KIAA1217: variants seen among roughly 807,000 people sequenced by gnomAD.
KIAA1217 encodes the protein sickle tail protein homolog.
In KIAA1217, 88 loss-of-function variants were observed where a neutral mutation model predicts 163.9. The observed-to-expected ratio is 0.54, with a 90% CI of 0.45 to 0.64. The LOEUF (loss-of-function observed/expected upper bound fraction) is 0.64. KIAA1217 is among the 30% of genes least tolerant of loss of function. KIAA1217 has a pLI of 0.00. For synonymous variants in KIAA1217, 903 were observed against 923.1 expected, an observed-to-expected ratio of 0.98 and a Z score of 0.39; for missense variants, 2,372 against 2,475.0, an observed-to-expected ratio of 0.96 and a Z score of 0.88.
rs1379568424 is a variant in KIAA1217 at position 23,715,332 on chromosome 10, G to GCC, written c.-321+20100_-321+20101dup. 2.0e-5 allele frequency among the ~76,000 whole-genome samples: 3 copies of GCC among 152,108 alleles called. No homozygotes were observed. The East Asian group carries it at 5.8e-4, about 29-fold the overall frequency. On this transcript the variant is annotated intron_variant, in intron 1 of 18. Coordinates refer to the KIAA1217 transcript ENST00000376462. Reference sequence around the variant, plus strand: ...TTCATTTTTATCCCTTTGGTGTTTAGCCCAACACTTGTTAAGCCAATGAAG... The same window carrying GCC: ...TTCATTTTTATCCCTTTGGTGTTTAGCCCCCAACACTTGTTAAGCCAATGAAG...
intron 6 of KIAA1217, among the ~76,000 whole-genome samples, chr10:24,480,405 A>G (rs1300514343): frequency 6.6e-6 from 1 of 152,228 alleles, no homozygotes; most frequent in Admixed American, 6.5e-5. Flanking sequence ...CAATCTGCTC[A>G]TCAACCAGTT....
intron 1 of KIAA1217, among the ~76,000 whole-genome samples, chr10:23,842,418 A>C (rs967386752): frequency 1.3e-5 from 2 of 152,146 alleles, no homozygotes; most frequent in African/African-American, 4.8e-5. Context: ...GTCGGAAAAA[A>C]AGGCAGTCTT....
Position 23,723,487 on chromosome 10 carries a change from G to GA in KIAA1217, c.-321+28260dup, listed in dbSNP as rs1163024822. Among the ~76,000 whole-genome samples, 8 of 152,160 alleles carry GA rather than the reference G, an allele frequency of 5.3e-5. No homozygotes were observed. The East Asian group carries it at 5.8e-4, about 11-fold the overall frequency. ...ATAATGGCATAGTGGTCTCTTCTAA[G>GA]AAAAAAACAAGTAAGTCTTAGTGCA... On this transcript the variant is annotated intron_variant, in intron 1 of 18. Coordinates refer to the KIAA1217 transcript ENST00000376462.
chr10:24,545,675 A>G (rs1360852513), intron 20 of KIAA1217, 152 bp from the exon 21 acceptor site: 9 of 1,450,028 alleles, frequency 6.2e-6, no homozygotes, highest in South Asian at 1.5e-5. Context: ...CAGGTCCAGT[A>G]GAGCACAACA....
chr10:24,209,659 G>C (rs1483699219), intron 1 of KIAA1217, among the ~76,000 whole-genome samples: 1 of 152,212 alleles, frequency 6.6e-6, no homozygotes, highest in African/African-American at 2.4e-5. Flanking sequence ...CCATTCATTG[G>C]TTGGGGGATT....
Position 24,251,823 on chromosome 10 carries a change from A to G in KIAA1217, c.354+31914A>G, listed in dbSNP as rs2074573614. On this transcript the variant is annotated intron_variant, in intron 2 of 20. Coordinates refer to ENST00000376454, the MANE Select transcript of KIAA1217 (RefSeq NM_019590.5). ...CTTACTGTTTGTGTGGTCTGGGACA[A>G]GTCACTTGGTCCAAGTAAGCTTCTG... 2.0e-5 allele frequency among the ~76,000 whole-genome samples: 3 copies of G among 150,236 alleles called. No homozygotes were observed. In the South Asian group the frequency reaches 6.5e-4, roughly 33 times the overall value.
At chr10:24,110,663 T>C (rs763094923) in intron 2 of KIAA1217, among the ~76,000 whole-genome samples, 9 of 151,984 alleles carry the variant, frequency 5.9e-5, no homozygotes, top group Non-Finnish European at 1.3e-4. Flanking sequence ...ACAAATGGAT[T>C]AGAAACCTTT....
At chr10:23,908,407 T>C (rs1461645905) in intron 1 of KIAA1217, among the ~76,000 whole-genome samples, 3 of 152,112 alleles carry the variant, frequency 2.0e-5, no homozygotes, top group African/African-American at 7.2e-5. Context: ...GGCATCACTG[T>C]CTCCTCATGT....
intron 1 of KIAA1217, among the ~76,000 whole-genome samples, chr10:23,981,336 G>A (rs1845757734): frequency 6.6e-6 from 1 of 152,106 alleles, no homozygotes; most frequent in Admixed American, 6.6e-5. Context: ...TCATCTCTGA[G>A]TTACAACCAC....
intron 5 of KIAA1217, among the ~76,000 whole-genome samples, chr10:24,464,410 G>T (rs972056041): frequency 6.6e-6 from 1 of 152,140 alleles, no homozygotes; most frequent in African/African-American, 2.4e-5. Flanking sequence ...TGAACCGACC[G>T]ACTCTCATTG....
chr10:24,395,759 C>A (rs1489208098), intron 3 of KIAA1217, among the ~76,000 whole-genome samples: 1 of 152,124 alleles, frequency 6.6e-6, no homozygotes, highest in Non-Finnish European at 1.5e-5. Flanking sequence ...CAGCCTCAAT[C>A]TCCTGGGCTC....
intron 2 of KIAA1217, among the ~76,000 whole-genome samples, chr10:24,111,504 T>C (rs1270545654): frequency 6.6e-6 from 1 of 152,236 alleles, no homozygotes; most frequent in African/African-American, 2.4e-5. Flanking sequence ...CTTTAAGGAA[T>C]TAGATCTCAT....
rs907093164 is a variant in KIAA1217, at chr10:23,972,590, C to A, written c.-320-34635C>A. Among the ~76,000 whole-genome samples the A allele has an allele frequency of 3.3e-5, 5 of 151,304 alleles. No homozygotes were observed. The South Asian group carries it at 6.3e-4, about 19-fold the overall frequency. ...TGTAAATTTTATTATACTTCAATAACCTGGAAAAAAAGATTCTGCTTGAAT... is the reference window on the plus strand; with the variant it reads ...TGTAAATTTTATTATACTTCAATAAACTGGAAAAAAAGATTCTGCTTGAAT... On this transcript the variant is annotated intron_variant, in intron 1 of 18. Transcript: ENST00000376462.
rs1260980393 is a variant in KIAA1217, at chr10:24,531,985, A to G, written c.3238A>G (p.Thr1080Ala). 1.3e-6 allele frequency: 2 copies of G among 1,568,814 alleles called. No individual in the cohort carries two copies. Among genetic ancestry groups the G allele is most frequent in the Non-Finnish European group, 1.7e-6 (2 of 1,152,194 alleles). ...VVYTGRKENI[T>A]AKASSEDAGP... ...CTACACCGGCAGAAAGGAGAACATC[A>G]CCGCTAAGGTCTGATAGGCTAAGCC... Residue 1080 changes from threonine to alanine, a missense_variant, in exon 15 of 21, where the codon ACC becomes GCC. By Grantham distance (58) the Thr-to-Ala change is moderately conservative. This residue lies in a region of KIAA1217 where 1,431 missense variants were observed against 1,470.3 expected (regional missense o/e 0.97). Coordinates refer to ENST00000376454, the MANE Select transcript of KIAA1217 (RefSeq NM_019590.5).
intron 2 of KIAA1217, among the ~76,000 whole-genome samples, chr10:24,284,765 A>G (rs1334419098): frequency 6.6e-6 from 1 of 152,136 alleles, no homozygotes; most frequent in Admixed American, 6.6e-5. Flanking sequence ...CAATAAGGAG[A>G]TTGCTAGGTC....
intron 2 of KIAA1217, among the ~76,000 whole-genome samples, chr10:24,009,803 T>C (rs1847163915): frequency 6.6e-6 from 1 of 152,174 alleles, no homozygotes; most frequent in South Asian, 2.1e-4. Context: ...CTTGTTCTAG[T>C]CTCTGCTGCA....
At chr10:23,710,105 A>G (rs140160739) in intron 1 of KIAA1217, among the ~76,000 whole-genome samples, 160 of 152,336 alleles carry the variant, frequency 1.1e-3, no homozygotes, top group African/African-American at 3.8e-3. Flanking sequence ...TGAATGAATG[A>G]AGGGATGACT....
rs1367912033 is a variant in KIAA1217, at chr10:24,547,088, G to A, written c.*764G>A. On this transcript the variant is annotated 3_prime_UTR_variant, in exon 21 of 21. Coordinates refer to ENST00000376454, the MANE Select transcript of KIAA1217 (RefSeq NM_019590.5). ...TTTTTTTTTTCTTTTTTAACATGTT[G>A]AGATTCTCTAGTTGTTTTCTTTGGC... 1 of 64,900 alleles carries A rather than the reference G, an allele frequency of 1.5e-5. No individual in the cohort carries two copies. Among genetic ancestry groups the A allele is most frequent in the Admixed American group, 2.1e-4 (1 of 4,734 alleles). The allele number at this position is 64,900 out of a possible 1,614,324, so 4.0% of individuals were successfully genotyped here.
chr10:24,504,338 G>A (rs760945095), intron 9 of KIAA1217, among the ~76,000 whole-genome samples: 7 of 152,134 alleles, frequency 4.6e-5, no homozygotes, highest in Non-Finnish European at 8.8e-5. Flanking sequence ...GCGCAGACTC[G>A]CAGGGAAAAA....
Sources: allele counts gnomAD v4.1 joint callset (sites outside exome capture counted in the v4.1 genomes callset), GRCh38; gene constraint gnomAD v4.1.1; regional missense constraint gnomAD v4.1.1; transcripts MANE v1.5; gene names NCBI Gene and HGNC (gene_info 2026-07-23, HGNC 2026-07-21).